Variants in ZNF469 observed in about 807,000 individuals in gnomAD.
ZNF469 encodes the protein zinc finger protein 469.
In ZNF469, 1 loss-of-function variant was observed where a neutral mutation model predicts 1.0. That is an observed-to-expected ratio of 1.00 (90% CI 0.35 to 4.73). ZNF469 has a LOEUF of 4.73. Ranked by LOEUF, ZNF469 falls within the 30% of genes most tolerant of loss-of-function variation. The probability of loss-of-function intolerance (pLI) is 0.16; values close to 1 mark genes in which losing one functional copy is unlikely to be tolerated. For missense variants in ZNF469, 6,100 were observed against 5,356.3 expected (o/e 1.14, Z -4.33); for synonymous variants, 2,703 against 2,363.4 (o/e 1.14, Z -4.17).
At chr16:88,131,513 G>A in the ZNF469 span, among the ~76,000 whole-genome samples, 25,800 of 131,996 alleles carry the variant, frequency 0.2, 4,410 homozygotes, top group East Asian at 0.54. Context: ...CTGCCTTCCC[G>A]GGGGCCCAGG....
At chr16:88,381,613 C>G (rs2092525621), upstream of ZNF469, among the ~76,000 whole-genome samples, 1 of 152,244 alleles carries the variant, frequency 6.6e-6, no homozygotes, top group African/African-American at 2.4e-5. Flanking sequence ...TAGTTCTTCC[C>G]CATTTTCCAT....
the ZNF469 span, among the ~76,000 whole-genome samples, chr16:88,269,374 G>T: frequency 2.0e-5 from 3 of 152,066 alleles, no homozygotes; most frequent in African/African-American, 4.8e-5. Context: ...ACAGCAGGTG[G>T]GTGCACCCTG....
At chr16:88,347,792 C>T in the ZNF469 span, among the ~76,000 whole-genome samples, 1 of 152,242 alleles carries the variant, frequency 6.6e-6, no homozygotes, top group Admixed American at 6.5e-5. Flanking sequence ...TCCTGGGCCA[C>T]GCCCAGCACC....
chr16:88,208,937 G>T, the ZNF469 span, among the ~76,000 whole-genome samples: 1 of 151,612 alleles, frequency 6.6e-6, no homozygotes, highest in Admixed American at 6.6e-5. Context: ...ACCATTCTCA[G>T]GGTATTTGCT....
At position 88,422,972 on chromosome 16, in the gene ZNF469, AATGGATGGATGG is replaced by A. The variant is rs1165010849; in HGVS notation, c.-191-1824_-191-1813del. ...TGATGGATGAGTGGATGGATGGATT[AATGGATGGATGG>A]ATGGATGGATAGATGGATCAATGGG... is the stretch of plus-strand genomic sequence containing the variant. On this transcript the variant is annotated intron_variant, in intron 1 of 2. Transcript: ENST00000565624. Among the ~76,000 whole-genome samples, 88 of 137,206 alleles carry A rather than the reference AATGGATGGATGG, an allele frequency of 6.4e-4. 1 individual carries two copies. The highest frequency in any genetic ancestry group is 9.7e-3 in the Middle Eastern group (2 of 206). The allele number at this position is 137,206 out of a possible 152,430, so 90.0% of individuals were successfully genotyped here.
chr16:88,310,150 G>A, the ZNF469 span, among the ~76,000 whole-genome samples: 10 of 152,174 alleles, frequency 6.6e-5, 1 homozygote, highest in Admixed American at 5.9e-4. Flanking sequence ...GGGTCATCAG[G>A]TGGGACAGCC....
the ZNF469 span, among the ~76,000 whole-genome samples, chr16:88,269,583 C>T: frequency 4.6e-5 from 7 of 152,210 alleles, no homozygotes; most frequent in African/African-American, 1.7e-4. Flanking sequence ...GGCCCCGCCT[C>T]CACCTGGGCT....
At chr16:88,357,485 C>A in the ZNF469 span, among the ~76,000 whole-genome samples, 2 of 152,198 alleles carry the variant, frequency 1.3e-5, no homozygotes, top group South Asian at 2.1e-4. Context: ...GCCACTCCCC[C>A]TCCCTGGGCC....
chr16:88,327,740 C>G, the ZNF469 span, among the ~76,000 whole-genome samples: 1 of 152,200 alleles, frequency 6.6e-6, no homozygotes, highest in African/African-American at 2.4e-5. Flanking sequence ...AGCCTGGGCT[C>G]CATGCTTAGA....
At chr16:88,287,801 C>T in the ZNF469 span, among the ~76,000 whole-genome samples, 1 of 152,152 alleles carries the variant, frequency 6.6e-6, no homozygotes, top group African/African-American at 2.4e-5. Flanking sequence ...TTCACCCTGC[C>T]GCATTAGCCT....
the ZNF469 span, among the ~76,000 whole-genome samples, chr16:88,332,717 GA>G: frequency 6.6e-6 from 1 of 152,210 alleles, no homozygotes; most frequent in African/African-American, 2.4e-5. Flanking sequence ...CAGGATGGGG[GA>G]GGGGGGGCTG....
At chr16:88,328,854 C>T in the ZNF469 span, among the ~76,000 whole-genome samples, 1 of 151,936 alleles carries the variant, frequency 6.6e-6, no homozygotes, top group East Asian at 1.9e-4. Flanking sequence ...CTGGGGCAGG[C>T]GGGTGGGGGA....
rs1328972561 is a variant in ZNF469, at chr16:88,439,369, T to C, written c.*37T>C. 13 of 1,548,856 alleles carry C rather than the reference T, an allele frequency of 8.4e-6. No homozygotes were observed. The highest frequency in any genetic ancestry group is 1.1e-5 in the Non-Finnish European group (13 of 1,146,074). On this transcript the variant is annotated 3_prime_UTR_variant, in exon 3 of 3. Transcript: ENST00000565624. ...AAGAGCCTGGGACCGGAGCTGGGCG[T>C]TCCTGTCTCGGCCTGCCTCCTTGGC...
chr16:88,260,125 A>C, the ZNF469 span, among the ~76,000 whole-genome samples: 51 of 148,884 alleles, frequency 3.4e-4, 2 homozygotes, highest in East Asian at 9.6e-3. The surrounding 1 kb of genome is among the most constrained non-coding windows in gnomAD (Gnocchi z 4.1). Context: ...TTACAGGCGC[A>C]CACCACCACG....
chr16:88,299,322 G>A, the ZNF469 span, among the ~76,000 whole-genome samples: 1 of 152,112 alleles, frequency 6.6e-6, no homozygotes, highest in Non-Finnish European at 1.5e-5. Context: ...GCAGGAGAGG[G>A]CTTCCTGAAG....
chr16:88,318,297 G>A, the ZNF469 span, among the ~76,000 whole-genome samples: 1 of 152,198 alleles, frequency 6.6e-6, no homozygotes, highest in African/African-American at 2.4e-5. Flanking sequence ...GTTACATTCG[G>A]CAGGGGCTGC....
the ZNF469 span, among the ~76,000 whole-genome samples, chr16:88,270,688 GC>G: frequency 5.9e-5 from 9 of 152,218 alleles, no homozygotes; most frequent in Non-Finnish European, 1.2e-4. Flanking sequence ...AATTCTCCAG[GC>G]TGCTTTCCTC....
chr16:88,326,090 G>A, the ZNF469 span, among the ~76,000 whole-genome samples: 4 of 152,336 alleles, frequency 2.6e-5, no homozygotes, highest in Admixed American at 2.0e-4. Context: ...CCACAGACAT[G>A]TCCTGGTCTC....
chr16:88,248,253 T>G, the ZNF469 span, among the ~76,000 whole-genome samples: 3 of 152,236 alleles, frequency 2.0e-5, no homozygotes, highest in Admixed American at 2.0e-4. Flanking sequence ...TAGTAACCAC[T>G]GTGGAAATTA....
Sources: gnomAD v4.1 joint callset for allele counts (sites outside exome capture counted in the v4.1 genomes callset) on GRCh38, gnomAD v4.1.1 for gene constraint, Gnocchi (gnomAD v3.1) non-coding constraint, MANE v1.5 for transcripts, NCBI Gene and HGNC (gene_info 2026-07-23, HGNC 2026-07-21) for gene names.